CMSS1: variants seen among roughly 807,000 people sequenced by gnomAD.
The protein encoded by CMSS1 is protein CMSS1.
Under a neutral mutation model 43.5 loss-of-function variants are expected in CMSS1, and 33 were observed. That is an observed-to-expected ratio of 0.76 (90% CI 0.57 to 1.01). The LOEUF (loss-of-function observed/expected upper bound fraction) is 1.01, where lower values mean the gene tolerates loss of function less well. Ranked by LOEUF, CMSS1 falls within the 50% of genes least tolerant of loss-of-function variation. The probability of loss-of-function intolerance (pLI) is 0.00; values close to 1 mark genes in which losing one functional copy is unlikely to be tolerated. For synonymous variants in CMSS1, 115 were observed against 117.2 expected, an observed-to-expected ratio of 0.98 and a Z score of 0.12; for missense variants, 313 against 326.4, an observed-to-expected ratio of 0.96 and a Z score of 0.32.
At chr3:100,139,615 A>G (rs534510383) in intron 1 of CMSS1, among the ~76,000 whole-genome samples, 110 of 128,162 alleles carry the variant, frequency 8.6e-4, no homozygotes, top group African/African-American at 2.5e-3. Flanking sequence ...GTGTGTGTGT[A>G]TATATATATA....
intron 1 of CMSS1, among the ~76,000 whole-genome samples, chr3:99,916,118 G>A (rs1706942362): frequency 6.6e-6 from 1 of 152,136 alleles, no homozygotes; most frequent in Non-Finnish European, 1.5e-5. Flanking sequence ...AAAGAGGTTA[G>A]CATTTTAGTT....
At chr3:99,910,129 TAG>T (rs2107637919) in intron 1 of CMSS1, among the ~76,000 whole-genome samples, 1 of 136,800 alleles carries the variant, frequency 7.3e-6, no homozygotes, top group East Asian at 2.0e-4. Flanking sequence ...AAATTCTTAA[TAG>T]AGTTGGTTTA....
chr3:100,128,192 C>A (rs571540522), intron 1 of CMSS1, among the ~76,000 whole-genome samples: 2 of 152,314 alleles, frequency 1.3e-5, no homozygotes, highest in East Asian at 3.9e-4. Context: ...CTGGAACGTT[C>A]TTTTCCTGGT....
intron 1 of CMSS1, among the ~76,000 whole-genome samples, chr3:99,857,204 C>T (rs910290310): frequency 1.3e-5 from 2 of 151,060 alleles, no homozygotes; most frequent in African/African-American, 4.9e-5. Context: ...TAATATTTAC[C>T]ATGTACATGT....
At chr3:100,058,590 G>A (rs980184315) in intron 1 of CMSS1, among the ~76,000 whole-genome samples, 1 of 152,108 alleles carries the variant, frequency 6.6e-6, no homozygotes, top group Admixed American at 6.6e-5. Context: ...AAATCCCCTT[G>A]GTGGACAAAG....
chr3:99,922,253 A>C (rs1177478874), intron 1 of CMSS1, among the ~76,000 whole-genome samples: 2 of 152,250 alleles, frequency 1.3e-5, no homozygotes, highest in Non-Finnish European at 2.9e-5. Context: ...TGAGGCCACT[A>C]GTGCCAAACC....
At chr3:99,992,282 C>T (rs564222043) in intron 1 of CMSS1, among the ~76,000 whole-genome samples, 2 of 152,168 alleles carry the variant, frequency 1.3e-5, no homozygotes, top group African/African-American at 4.8e-5. Flanking sequence ...TTTACATTCC[C>T]ATCAACAGTA....
Position 99,983,615 on chromosome 3 carries a change from G to A in CMSS1, c.65-163358G>A, listed in dbSNP as rs547817184. On this transcript the variant is annotated intron_variant, in intron 1 of 9. Transcript: ENST00000421999. ...TGAGGCAAGATAATTGCTTGAACCG[G>A]GGAGGCGGAGGTTGCCATGAGCTGA... Among the ~76,000 whole-genome samples the A allele has an allele frequency of 6.7e-4, 98 of 147,134 alleles. No homozygotes were observed. The South Asian group carries it at 0.021, about 32-fold the overall frequency.
At position 100,020,025 on chromosome 3, in the gene CMSS1, T is replaced by C. The variant is rs569568503; in HGVS notation, c.65-126948T>C. 2.4e-4 allele frequency among the ~76,000 whole-genome samples: 36 copies of C among 152,320 alleles called. No individual in the cohort carries two copies. The Middle Eastern group carries it at 0.01, about 43-fold the overall frequency. Reference sequence around the variant, plus strand: ...CTGAGTAATATCACTGATTCAGTAATTACCCTGGGTAGTAGCCATACAAGC... The same window carrying C: ...CTGAGTAATATCACTGATTCAGTAACTACCCTGGGTAGTAGCCATACAAGC... On this transcript the variant is annotated intron_variant, in intron 1 of 9. Coordinates refer to ENST00000421999, the MANE Select transcript of CMSS1 (RefSeq NM_032359.4).
In CMSS1 at chr3:100,114,861, C is replaced by G. The variant is rs188766912; in HGVS notation, c.65-32112C>G. 697 of 963,084 alleles carry G rather than the reference C, an allele frequency of 7.2e-4. 5 individuals carry two copies. The African/African-American group carries it at 0.01, about 14-fold the overall frequency. 59.7% of individuals were successfully genotyped at this position (963,084 alleles called of 1,614,324 possible). ...GACCCCTTCTTTGACACCCATAACC[C>G]AAGGCACTGTAAACATTCGCTATTA... is the stretch of plus-strand genomic sequence containing the variant. On this transcript the variant is annotated intron_variant, in intron 1 of 9. Transcript: ENST00000421999.
At chr3:100,024,721 CT>C (rs2064887088) in intron 1 of CMSS1, among the ~76,000 whole-genome samples, 1 of 152,138 alleles carries the variant, frequency 6.6e-6, no homozygotes, top group South Asian at 2.1e-4. Flanking sequence ...GGGCTCAGTC[CT>C]GGTTGAAACA....
intron 1 of CMSS1, among the ~76,000 whole-genome samples, chr3:100,047,454 A>C (rs1255335716): frequency 6.6e-6 from 1 of 152,222 alleles, no homozygotes; most frequent in Non-Finnish European, 1.5e-5. Context: ...TAAAAAAACT[A>C]AAGTATCATG....
chr3:100,014,864 TTTTTC>T (rs1330870568), intron 1 of CMSS1, among the ~76,000 whole-genome samples: 4 of 148,174 alleles, frequency 2.7e-5, no homozygotes, highest in African/African-American at 7.4e-5. Context: ...ACCATTTGTC[TTTTTC>T]TTTTCTTTTT....
At chr3:99,822,650 T>C (rs1194105601) in intron 1 of CMSS1, among the ~76,000 whole-genome samples, 2 of 152,172 alleles carry the variant, frequency 1.3e-5, no homozygotes, top group Non-Finnish European at 2.9e-5. Context: ...GAGAATTGCT[T>C]GAACCCAGGA....
intron 1 of CMSS1, among the ~76,000 whole-genome samples, chr3:100,138,891 G>A (rs548162732): frequency 2.6e-5 from 4 of 152,128 alleles, no homozygotes; most frequent in South Asian, 2.1e-4. Context: ...ACACATGCAC[G>A]CGTATGTTTA....
intron 1 of CMSS1, among the ~76,000 whole-genome samples, chr3:99,840,145 A>G (rs1943067143): frequency 1.3e-5 from 2 of 152,166 alleles, no homozygotes; most frequent in Non-Finnish European, 2.9e-5. Context: ...AAAACCATTA[A>G]TAGTCCTAAA....
At chr3:99,881,753 G>A (rs571654006) in intron 1 of CMSS1, among the ~76,000 whole-genome samples, 72 of 152,166 alleles carry the variant, frequency 4.7e-4, no homozygotes, top group African/African-American at 1.6e-3. Flanking sequence ...GGCTGGTCTC[G>A]AACTCCTGAC....
At chr3:99,880,397 A>T (rs953121902) in intron 1 of CMSS1, among the ~76,000 whole-genome samples, 1 of 152,242 alleles carries the variant, frequency 6.6e-6, no homozygotes, top group African/African-American at 2.4e-5. Flanking sequence ...TATATATATG[A>T]ACTGCAGGTC....
At chr3:99,837,849 G>A (rs1308909928) in intron 1 of CMSS1, among the ~76,000 whole-genome samples, 8 of 152,228 alleles carry the variant, frequency 5.3e-5, no homozygotes, top group Admixed American at 5.2e-4. Flanking sequence ...TGTGGCCTAA[G>A]TTGGTGGTGC....
Sources: gnomAD v4.1 joint callset for allele counts (sites outside exome capture counted in the v4.1 genomes callset) on GRCh38, gnomAD v4.1.1 for gene constraint, MANE v1.5 for transcripts, NCBI Gene and HGNC (gene_info 2026-07-23, HGNC 2026-07-21) for gene names.